Variants in EIF4B observed in about 807,000 individuals in gnomAD.
EIF4B encodes eukaryotic translation initiation factor 4B.
A neutral mutation model predicts 79.3 loss-of-function variants in EIF4B; 8 were observed. The observed-to-expected ratio is 0.10, with a 90% CI of 0.06 to 0.18. The LOEUF (loss-of-function observed/expected upper bound fraction) is 0.18, where lower values mean the gene tolerates loss of function less well. EIF4B is among the 10% of genes least tolerant of loss of function. The pLI, the probability that EIF4B is intolerant of heterozygous loss-of-function variation, is 1.00. For synonymous variants in EIF4B, 238 were observed against 274.7 expected, an observed-to-expected ratio of 0.87 and a Z score of 1.32; for missense variants, 515 against 792.4, an observed-to-expected ratio of 0.65 and a Z score of 4.20.
At chr12:53,021,194 T>G (rs1393424575) in intron 4 of EIF4B, among the ~76,000 whole-genome samples, 1 of 152,228 alleles carries the variant, frequency 6.6e-6, no homozygotes, top group Non-Finnish European at 1.5e-5. Flanking sequence ...AAGAACTGAT[T>G]TATCTGAAGG....
intron 2 of EIF4B, among the ~76,000 whole-genome samples, chr12:53,017,288 G>A (rs915031608): frequency 2.0e-5 from 3 of 151,406 alleles, no homozygotes; most frequent in Admixed American, 6.6e-5. Flanking sequence ...AGTGTAATCT[G>A]TAAGCTATGT....
chr12:53,036,947 A>G (rs1031168829), intron 10 of EIF4B, among the ~76,000 whole-genome samples: 1 of 152,210 alleles, frequency 6.6e-6, no homozygotes, highest in Non-Finnish European at 1.5e-5. Flanking sequence ...CAGCCTCCCA[A>G]TATCCTAAGA....
intron 1 of EIF4B, among the ~76,000 whole-genome samples, chr12:53,010,781 C>T (rs561288570): frequency 6.6e-5 from 10 of 152,162 alleles, no homozygotes; most frequent in African/African-American, 2.2e-4. Flanking sequence ...CCATGTTGGC[C>T]AGGCTGGTCT....
intron 1 of EIF4B, among the ~76,000 whole-genome samples, chr12:53,007,556 A>G (rs1942990180): frequency 6.6e-6 from 1 of 151,082 alleles, no homozygotes; most frequent in Admixed American, 6.6e-5. Context: ...GTGCCTTGCA[A>G]GTCTAATTAC....
At chr12:53,019,433 ATATATTTTTTTTTTTTCTTTTTTTTTTT>A (rs1943203894) in intron 3 of EIF4B, among the ~76,000 whole-genome samples, 1 of 32,910 alleles carries the variant, frequency 3.0e-5, no homozygotes, top group Admixed American at 5.7e-4. Flanking sequence ...TTATATATAT[ATATATTTTTTTTTTTTCTTTTTTTTTTT>A]TTTTTTTTTT....
chr12:53,021,088 TCTA>T (rs1943240840), intron 4 of EIF4B, among the ~76,000 whole-genome samples: 1 of 152,200 alleles, frequency 6.6e-6, no homozygotes, highest in Non-Finnish European at 1.5e-5. Flanking sequence ...AACTGTAGAT[TCTA>T]CTATGAAATG....
At chr12:53,006,859 GGC>G (rs1203671134) in intron 1 of EIF4B, among the ~76,000 whole-genome samples, 2 of 151,856 alleles carry the variant, frequency 1.3e-5, no homozygotes, top group African/African-American at 4.8e-5. Flanking sequence ...GAAGGAAGGA[GGC>G]GGTTGCTGCG....
intron 8 of EIF4B, among the ~76,000 whole-genome samples, chr12:53,030,519 T>C (rs1943422604): frequency 7.0e-6 from 1 of 143,540 alleles, no homozygotes; most frequent in African/African-American, 2.5e-5. Context: ...CCTCCCAGGT[T>C]CAAGTGATTC....
chr12:53,028,825 G>T (rs969507249), intron 8 of EIF4B, among the ~76,000 whole-genome samples: 24 of 152,008 alleles, frequency 1.6e-4, no homozygotes, highest in African/African-American at 4.6e-4. Context: ...GTACTATGGG[G>T]TTAAAAACGA....
chr12:53,035,700 C>T (rs1281396683), intron 10 of EIF4B, among the ~76,000 whole-genome samples: 2 of 151,984 alleles, frequency 1.3e-5, no homozygotes, highest in Non-Finnish European at 2.9e-5. Flanking sequence ...GAGATGGTTT[C>T]CCCATGTTGC....
chr12:53,036,405 C>T (rs1943541880), intron 10 of EIF4B, among the ~76,000 whole-genome samples: 1 of 152,034 alleles, frequency 6.6e-6, no homozygotes, highest in Admixed American at 6.5e-5. Flanking sequence ...AGCCGCCGTG[C>T]CCGGCCTAGT....
intron 1 of EIF4B, among the ~76,000 whole-genome samples, chr12:53,014,280 C>T (rs749740501): frequency 4.6e-5 from 7 of 151,470 alleles, no homozygotes; most frequent in Non-Finnish European, 1.0e-4. Flanking sequence ...GGCGTGGTGG[C>T]ACGCGCCTGT....
rs759061266 is a variant in EIF4B at position 53,030,413 on chromosome 12, C to CTTTTTTTTTTTTTTTTTTTTT, written c.979+2230_979+2250dup. Among the ~76,000 whole-genome samples the CTTTTTTTTTTTTTTTTTTTTT allele has an allele frequency of 5.0e-3, 214 of 43,054 alleles. 59 individuals carry two copies. The highest frequency in any genetic ancestry group is 0.015 in the East Asian group (16 of 1,038). The allele number at this position is 43,054 out of a possible 152,430, so 28.2% of individuals were successfully genotyped here. ...GAAATAGGTTTTAAAAAATTATATT[C>CTTTTTTTTTTTTTTTTTTTTT]TTTTTTTTTTTTTTTTTTTTTTTTT... is the stretch of plus-strand genomic sequence containing the variant. On this transcript the variant is annotated intron_variant, in intron 8 of 14. Coordinates refer to ENST00000262056, the MANE Select transcript of EIF4B (RefSeq NM_001417.7).
intron 13 of EIF4B, 61 bp downstream of exon 13, chr12:53,039,404 A>G: frequency 7.1e-7 from 1 of 1,410,494 alleles, no homozygotes; most frequent in Non-Finnish European, 9.7e-7. Context: ...TTAAGAAATT[A>G]AGTTCTTGGT....
At chr12:53,021,156 G>A (rs1261778638) in intron 4 of EIF4B, among the ~76,000 whole-genome samples, 1 of 152,174 alleles carries the variant, frequency 6.6e-6, no homozygotes, top group Non-Finnish European at 1.5e-5. Context: ...TAATGATGTG[G>A]GAAAGGGAAG....
chr12:53,026,328 C>G (rs1943333495), intron 6 of EIF4B, among the ~76,000 whole-genome samples: 1 of 152,066 alleles, frequency 6.6e-6, no homozygotes, highest in African/African-American at 2.4e-5. Context: ...ATAACGCTAC[C>G]CACAGTTTGC....
intron 1 of EIF4B, among the ~76,000 whole-genome samples, chr12:53,007,351 A>G (rs974342301): frequency 1.3e-5 from 2 of 150,232 alleles, no homozygotes; most frequent in African/African-American, 4.9e-5. Context: ...GCTATATGCC[A>G]GGATCAGGTT....
At position 53,039,621 on chromosome 12, in the gene EIF4B, T is replaced by G; in HGVS notation, c.1683-9T>G. 6.2e-7 allele frequency: 1 copy of G among 1,613,686 alleles called. No homozygotes were observed. Among genetic ancestry groups the G allele is most frequent in the African/African-American group, 1.3e-5 (1 of 75,016 alleles). The stretch of plus-strand genomic sequence containing the variant: ...CTAAAGACATGGTTTTATGCTTACG[T>G]CTCTGCAGGAAAGATGGCAAAAAGG... On this transcript the variant is annotated splice_polypyrimidine_tract_variant and intron_variant, in intron 13 of 14. Coordinates refer to ENST00000262056, the MANE Select transcript of EIF4B (RefSeq NM_001417.7).
intron 1 of EIF4B, among the ~76,000 whole-genome samples, chr12:53,012,462 G>A (rs563995804): frequency 1.3e-5 from 2 of 151,664 alleles, no homozygotes; most frequent in East Asian, 3.9e-4. Flanking sequence ...GCTGAGGCAG[G>A]AGAATCGCTT....
Sources: gnomAD v4.1 joint callset for allele counts (sites outside exome capture counted in the v4.1 genomes callset) on GRCh38, gnomAD v4.1.1 for gene constraint, MANE v1.5 for transcripts, NCBI Gene and HGNC (gene_info 2026-07-23, HGNC 2026-07-21) for gene names.